Variants in TANGO6 observed in about 807,000 individuals in gnomAD.
TANGO6 encodes the protein transport and golgi organization 6 homolog, also known as transport and Golgi organization protein 6 homolog.
In TANGO6, 90 loss-of-function variants were observed where a neutral mutation model predicts 114.2. The ratio of observed to expected loss-of-function variants is 0.79; its 90% CI spans 0.66 to 0.94. The LOEUF (loss-of-function observed/expected upper bound fraction) is 0.94. Among genes scored for constraint, TANGO6 ranks in the 40% least tolerant of loss-of-function variants. TANGO6 has a pLI of 0.00. For missense variants in TANGO6, 1,274 were observed against 1,315.3 expected, an observed-to-expected ratio of 0.97 and a Z score of 0.49; for synonymous variants, 477 against 509.8, an observed-to-expected ratio of 0.94 and a Z score of 0.87.
At chr16:68,939,613 T>C (rs564055009) in intron 14 of TANGO6, among the ~76,000 whole-genome samples, 1 of 151,822 alleles carries the variant, frequency 6.6e-6, no homozygotes, top group East Asian at 1.9e-4. Flanking sequence ...AGCATGGATA[T>C]TTTATTCTAG....
At chr16:69,068,476 T>C (rs1196764787) in intron 17 of TANGO6, among the ~76,000 whole-genome samples, 1 of 152,180 alleles carries the variant, frequency 6.6e-6, no homozygotes, top group African/African-American at 2.4e-5. Context: ...TGAGTTAATG[T>C]AGACAAAATG....
chr16:68,911,070 C>A (rs900508785), intron 11 of TANGO6, among the ~76,000 whole-genome samples: 1 of 151,964 alleles, frequency 6.6e-6, no homozygotes, highest in Non-Finnish European at 1.5e-5. Context: ...AGATTTTTAG[C>A]ATAAAAAAGA....
At chr16:68,891,336 T>C (rs1348383468) in intron 7 of TANGO6, among the ~76,000 whole-genome samples, 1 of 151,230 alleles carries the variant, frequency 6.6e-6, no homozygotes, top group Non-Finnish European at 1.5e-5. Context: ...AATGGGCATC[T>C]GTAATCCCAG....
chr16:68,919,652 T>C (rs1480686341), intron 12 of TANGO6, among the ~76,000 whole-genome samples: 1 of 152,246 alleles, frequency 6.6e-6, no homozygotes, highest in African/African-American at 2.4e-5. Flanking sequence ...TCATCCCTTA[T>C]CAGGTAGCAT....
intron 7 of TANGO6, among the ~76,000 whole-genome samples, chr16:68,883,425 T>C (rs1962492951): frequency 6.6e-6 from 1 of 152,230 alleles, no homozygotes; most frequent in African/African-American, 2.4e-5. Flanking sequence ...GTTTTTTTTG[T>C]GATTGGCTTT....
intron 14 of TANGO6, among the ~76,000 whole-genome samples, chr16:68,967,818 C>A (rs1444444164): frequency 6.6e-6 from 1 of 152,130 alleles, no homozygotes; most frequent in South Asian, 2.1e-4. Context: ...TGGGATAGAG[C>A]CAGTTAGCAA....
At chr16:69,044,835 A>G (rs1010996405) in intron 17 of TANGO6, among the ~76,000 whole-genome samples, 1 of 152,106 alleles carries the variant, frequency 6.6e-6, no homozygotes, top group Non-Finnish European at 1.5e-5. Flanking sequence ...AGGGCTACGT[A>G]AGCAAGACCT....
intron 12 of TANGO6, 53 bp downstream of exon 12, chr16:68,919,272 A>C: frequency 8.2e-6 from 13 of 1,587,850 alleles, no homozygotes; most frequent in Non-Finnish European, 1.1e-5. Context: ...GAAGCGAAAT[A>C]CCAGTTGTTT....
At chr16:69,018,893 G>C (rs1959354052) in intron 15 of TANGO6, among the ~76,000 whole-genome samples, 1 of 152,154 alleles carries the variant, frequency 6.6e-6, no homozygotes, top group Non-Finnish European at 1.5e-5. Context: ...CTGGGCGACA[G>C]AGTGAGACTC....
At chr16:68,887,647 C>T (rs1384974919) in intron 7 of TANGO6, among the ~76,000 whole-genome samples, 1 of 152,104 alleles carries the variant, frequency 6.6e-6, no homozygotes, top group African/African-American at 2.4e-5. Flanking sequence ...GAGGCCAAGG[C>T]GGGCAAATCA....
At chr16:68,897,579 A>ATT (rs36068754) in intron 7 of TANGO6, among the ~76,000 whole-genome samples, 2 of 141,632 alleles carry the variant, frequency 1.4e-5, no homozygotes, top group Non-Finnish European at 3.1e-5. Context: ...AAATTAGCGG[A>ATT]TTTTTTTTTT....
At chr16:69,073,017 G>A (rs1960319253) in intron 17 of TANGO6, among the ~76,000 whole-genome samples, 2 of 151,522 alleles carry the variant, frequency 1.3e-5, no homozygotes, top group East Asian at 1.9e-4. Context: ...TGGGGCACAG[G>A]AAGCCAGGAG....
chr16:68,921,391 C>G (rs1963090596), intron 12 of TANGO6, among the ~76,000 whole-genome samples: 1 of 151,690 alleles, frequency 6.6e-6, no homozygotes, highest in Non-Finnish European at 1.5e-5. Flanking sequence ...GCCATGTTGG[C>G]CAGGCTGGTC....
chr16:68,974,660 C>G (rs1405892559), intron 15 of TANGO6, among the ~76,000 whole-genome samples: 1 of 151,514 alleles, frequency 6.6e-6, no homozygotes, highest in African/African-American at 2.4e-5. Context: ...GATTCCATCT[C>G]AAAAATAACA....
intron 16 of TANGO6, among the ~76,000 whole-genome samples, chr16:69,036,312 A>G (rs1046682566): frequency 5.3e-5 from 8 of 152,292 alleles, no homozygotes; most frequent in African/African-American, 1.4e-4. Flanking sequence ...GCAGCATTAC[A>G]AGCTGGTTAT....
At chr16:69,048,184 G>A (rs979780321) in intron 17 of TANGO6, among the ~76,000 whole-genome samples, 4 of 151,670 alleles carry the variant, frequency 2.6e-5, no homozygotes, top group Non-Finnish European at 5.9e-5. Flanking sequence ...CTGGGTTCAA[G>A]CGATTCTTGT....
At chr16:69,009,181 A>G (rs1964123454) in intron 15 of TANGO6, among the ~76,000 whole-genome samples, 1 of 143,412 alleles carries the variant, frequency 7.0e-6, no homozygotes, top group South Asian at 2.2e-4. Context: ...TCACAGGTTC[A>G]AGCGATTCTC....
chr16:68,987,274 C>T (rs898511586), intron 15 of TANGO6, among the ~76,000 whole-genome samples: 1 of 152,008 alleles, frequency 6.6e-6, no homozygotes, highest in Non-Finnish European at 1.5e-5. Context: ...GTGCTAGAAC[C>T]TTTATTTCTT....
chr16:69,074,806 GT>G, intron 17 of TANGO6, among the ~76,000 whole-genome samples: 1 of 141,952 alleles, frequency 7.0e-6, no homozygotes. Flanking sequence ...GCCTGTGTGT[GT>G]GTGTGTGTGT....
Sources: gnomAD v4.1 joint callset for allele counts (sites outside exome capture counted in the v4.1 genomes callset) on GRCh38, gnomAD v4.1.1 for gene constraint, MANE v1.5 for transcripts, NCBI Gene and HGNC (gene_info 2026-07-23, HGNC 2026-07-21) for gene names.